The following RAD51B variants were observed in gnomAD, a reference collection of about 807,000 sequenced individuals.
RAD51B encodes DNA repair protein RAD51 homolog 2.
RAD51B carries 38 observed loss-of-function variants against 42.2 expected under a neutral mutation model. That is an observed-to-expected ratio of 0.90 (90% confidence interval 0.70 to 1.18). RAD51B has a LOEUF of 1.18. Ranked by LOEUF, RAD51B falls within the 50% of genes most tolerant of loss-of-function variation. The pLI, the probability that RAD51B is intolerant of heterozygous loss-of-function variation, is 0.00. For missense variants in RAD51B, 373 were observed against 400.7 expected, an observed-to-expected ratio of 0.93 and a Z score of 0.59; for synonymous variants, 154 against 145.2, an observed-to-expected ratio of 1.06 and a Z score of -0.43.
At chr14:68,086,401 TG>T (rs1476241251) in intron 7 of RAD51B, among the ~76,000 whole-genome samples, 1 of 152,068 alleles carries the variant, frequency 6.6e-6, no homozygotes, top group African/African-American at 2.4e-5. Context: ...AGGCACAGGA[TG>T]GGGGGCGTGA....
At chr14:68,045,111 C>T (rs2076278425) in intron 7 of RAD51B, among the ~76,000 whole-genome samples, 1 of 151,616 alleles carries the variant, frequency 6.6e-6, no homozygotes, top group Admixed American at 6.6e-5. Flanking sequence ...TGGTGCATGC[C>T]TGTAATCCCA....
At chr14:68,555,911 G>A (rs953329629) in intron 10 of RAD51B, among the ~76,000 whole-genome samples, 7 of 152,150 alleles carry the variant, frequency 4.6e-5, no homozygotes, top group African/African-American at 1.7e-4. Flanking sequence ...TTTTTTCCCT[G>A]TGATACCTGC....
At chr14:67,984,158 C>T (rs759796941) in intron 7 of RAD51B, among the ~76,000 whole-genome samples, 1 of 151,996 alleles carries the variant, frequency 6.6e-6, no homozygotes, top group Non-Finnish European at 1.5e-5. Context: ...AGGCTGGTCT[C>T]GATCTCTTGA....
chr14:68,054,369 T>C (rs551846640), intron 7 of RAD51B, among the ~76,000 whole-genome samples: 2 of 152,310 alleles, frequency 1.3e-5, no homozygotes, highest in Non-Finnish European at 2.9e-5. Flanking sequence ...GATTTCTTAT[T>C]ATTAGATTCA....
chr14:67,868,644 A>T (rs556586501), intron 5 of RAD51B, among the ~76,000 whole-genome samples: 282 of 152,372 alleles, frequency 1.9e-3, no homozygotes, highest in South Asian at 5.2e-3. Flanking sequence ...GGCACAGACA[A>T]ACAAAAAGAC....
At chr14:68,580,877 G>A (rs1890180104) in intron 10 of RAD51B, among the ~76,000 whole-genome samples, 1 of 152,186 alleles carries the variant, frequency 6.6e-6, no homozygotes, top group Admixed American at 6.5e-5. Flanking sequence ...ATTTCCACAC[G>A]GGGCGGGGAC....
intron 7 of RAD51B, among the ~76,000 whole-genome samples, chr14:67,986,681 A>G (rs528371642): frequency 6.6e-6 from 1 of 152,320 alleles, no homozygotes; most frequent in East Asian, 1.9e-4. Context: ...ATTATCAAAT[A>G]AGCATAGTTG....
At chr14:68,457,482 G>A (rs1392700713) in intron 9 of RAD51B, among the ~76,000 whole-genome samples, 1 of 152,146 alleles carries the variant, frequency 6.6e-6, no homozygotes. Context: ...AAATAAAGCT[G>A]ATATTAATGT....
intron 7 of RAD51B, among the ~76,000 whole-genome samples, chr14:68,195,383 C>T (rs1371762297): frequency 2.1e-5 from 3 of 145,816 alleles, no homozygotes; most frequent in African/African-American, 7.4e-5. Context: ...ACATATTTAC[C>T]ATCTCAGCTT....
chr14:67,825,494 A>C lies in RAD51B; in HGVS notation c.115A>C (p.Met39Leu), dbSNP rs766897041. Reference protein sequence around the residue: ...DFLCLSPLELMKVTGLSYRGV... With the variant: ...DFLCLSPLELLKVTGLSYRGV... Reference sequence around the variant, plus strand: ...TTTATGTCTTTCCCCACTGGAGCTTATGAAGGTGACTGGTCTGAGTTATCG... The same window carrying C: ...TTTATGTCTTTCCCCACTGGAGCTTCTGAAGGTGACTGGTCTGAGTTATCG... The change falls in exon 3 of 11, where the codon ATG (methionine) becomes CTG (leucine). Residue 39 changes from methionine (M) to leucine (L), a missense_variant. Transcript: ENST00000471583. 1.9e-6 allele frequency: 3 copies of C among 1,613,634 alleles called. No homozygotes were observed. Among genetic ancestry groups the C allele is most frequent in the South Asian group, 1.1e-5 (1 of 91,032 alleles).
At chr14:68,138,150 T>A (rs1003168816) in intron 7 of RAD51B, among the ~76,000 whole-genome samples, 2 of 151,994 alleles carry the variant, frequency 1.3e-5, no homozygotes, top group South Asian at 2.1e-4. Flanking sequence ...TAGTATTTTT[T>A]TTTTCCAGGG....
intron 7 of RAD51B, among the ~76,000 whole-genome samples, chr14:68,083,913 G>C (rs999608968): frequency 2.6e-5 from 4 of 152,132 alleles, no homozygotes; most frequent in African/African-American, 9.7e-5. Flanking sequence ...CAACATTATG[G>C]TTGGTTAAAT....
At chr14:68,443,300 A>ATAGCATGCT (rs2085345284) in intron 9 of RAD51B, among the ~76,000 whole-genome samples, 1 of 152,176 alleles carries the variant, frequency 6.6e-6, no homozygotes, top group Non-Finnish European at 1.5e-5. Flanking sequence ...GAGTCAGCAC[A>ATAGCATGCT]TAGCATGCTA....
At chr14:68,589,190 G>A (rs1890626667) in intron 10 of RAD51B, among the ~76,000 whole-genome samples, 1 of 152,204 alleles carries the variant, frequency 6.6e-6, no homozygotes, top group African/African-American at 2.4e-5. Context: ...TACAGAGAGT[G>A]GAATATGGTC....
At chr14:68,432,601 T>G (rs2085039343) in intron 9 of RAD51B, among the ~76,000 whole-genome samples, 2 of 152,234 alleles carry the variant, frequency 1.3e-5, no homozygotes, top group Non-Finnish European at 2.9e-5. Flanking sequence ...TTCCATTTGC[T>G]TGGTAGATCT....
At chr14:68,632,293 G>T (rs1203083798) in intron 10 of RAD51B, among the ~76,000 whole-genome samples, 2 of 152,070 alleles carry the variant, frequency 1.3e-5, no homozygotes, top group Non-Finnish European at 2.9e-5. Context: ...CAGCTGTGGG[G>T]TGCTCGCTGA....
chr14:68,521,468 A>C (rs1335120266), intron 10 of RAD51B, among the ~76,000 whole-genome samples: 1 of 152,234 alleles, frequency 6.6e-6, no homozygotes, highest in African/African-American at 2.4e-5. Flanking sequence ...CTCAGACCCA[A>C]GCTCTTTGCT....
At chr14:68,021,424 T>G (rs1220656482) in intron 7 of RAD51B, among the ~76,000 whole-genome samples, 1 of 152,210 alleles carries the variant, frequency 6.6e-6, no homozygotes, top group African/African-American at 2.4e-5. Context: ...GCCAGAATGT[T>G]TGTCATTTTC....
chr14:68,373,513 G>A (rs1183535214), intron 8 of RAD51B, among the ~76,000 whole-genome samples: 8 of 152,190 alleles, frequency 5.3e-5, no homozygotes, highest in Admixed American at 2.0e-4. Context: ...GCAAACTAAC[G>A]CAGGAACAGA....
Sources: allele counts gnomAD v4.1 joint callset (sites outside exome capture counted in the v4.1 genomes callset), GRCh38; gene constraint gnomAD v4.1.1; transcripts MANE v1.5; gene names NCBI Gene and HGNC (gene_info 2026-07-23, HGNC 2026-07-21).